CCDC192: variants seen among roughly 807,000 people sequenced by gnomAD.
CCDC192 encodes the protein coiled-coil domain-containing protein 192.
chr5:127,729,408 A>G (rs534319648), intron 2 of CCDC192, among the ~76,000 whole-genome samples: 1 of 152,320 alleles, frequency 6.6e-6, no homozygotes, highest in Admixed American at 6.5e-5. Flanking sequence ...CTACACAATA[A>G]TAGTGGGAGA....
At chr5:127,726,644 G>A (rs970790803) in intron 2 of CCDC192, among the ~76,000 whole-genome samples, 13 of 152,208 alleles carry the variant, frequency 8.5e-5, no homozygotes, top group Non-Finnish European at 1.8e-4. Context: ...CAGTGGCTGT[G>A]GCAGATCATG....
At chr5:127,743,586 C>G (rs1032669059) in intron 2 of CCDC192, among the ~76,000 whole-genome samples, 4 of 152,166 alleles carry the variant, frequency 2.6e-5, no homozygotes, top group African/African-American at 9.7e-5. Context: ...AGGCCACCAT[C>G]CTCCCAGGGC....
chr5:127,766,608 TAAAAAAAAAAA>T (rs548715145), intron 3 of CCDC192, among the ~76,000 whole-genome samples: 1 of 98,954 alleles, frequency 1.0e-5, no homozygotes, highest in Admixed American at 1.1e-4. Context: ...ACGTCCTGTG[TAAAAAAAAAAA>T]AAAAAAAAAA....
In CCDC192 at chr5:127,862,168, C is replaced by T. The variant is rs535398928; in HGVS notation, c.412-13370C>T. Among the ~76,000 whole-genome samples the T allele has an allele frequency of 3.5e-4, 54 of 152,246 alleles. 1 individual carries two copies. The South Asian group carries it at 0.011, about 31-fold the overall frequency. ...CTCCACAAATTCCTTAACTGCACTGCAATATTTATAATTTCAAAAACCTGC... is the reference window on the plus strand; with the variant it reads ...CTCCACAAATTCCTTAACTGCACTGTAATATTTATAATTTCAAAAACCTGC... On this transcript the variant is annotated intron_variant, in intron 5 of 6. Coordinates refer to ENST00000514853, the MANE Select transcript of CCDC192 (RefSeq NM_001317938.2).
intron 6 of CCDC192, among the ~76,000 whole-genome samples, chr5:127,908,064 A>G (rs1269264530): frequency 6.6e-6 from 1 of 152,254 alleles, no homozygotes; most frequent in African/African-American, 2.4e-5. Context: ...ATAAACCATT[A>G]AAGATTGGCT....
chr5:127,927,091 A>G (rs531420029), intron 6 of CCDC192, among the ~76,000 whole-genome samples: 1 of 152,284 alleles, frequency 6.6e-6, no homozygotes, highest in South Asian at 2.1e-4. Flanking sequence ...TTGAAAACAA[A>G]AATTAGATTG....
chr5:127,734,771 G>A (rs1752870199), intron 2 of CCDC192, among the ~76,000 whole-genome samples: 1 of 150,356 alleles, frequency 6.7e-6, no homozygotes, highest in African/African-American at 2.5e-5. Context: ...TTTTGATGGG[G>A]TTGTTTGTTT....
At chr5:127,899,162 G>A (rs771058815) in intron 6 of CCDC192, among the ~76,000 whole-genome samples, 6 of 152,126 alleles carry the variant, frequency 3.9e-5, no homozygotes, top group Non-Finnish European at 7.4e-5. Flanking sequence ...TCTGTTTTGC[G>A]TTTTTGGGGG....
intron 2 of CCDC192, among the ~76,000 whole-genome samples, chr5:127,746,062 A>T (rs1317126545): frequency 6.6e-6 from 1 of 152,208 alleles, no homozygotes; most frequent in Admixed American, 6.5e-5. Context: ...CTATTTAAAA[A>T]GTGCTTGCTT....
chr5:127,821,747 G>A (rs1418985579), intron 5 of CCDC192, among the ~76,000 whole-genome samples: 2 of 152,156 alleles, frequency 1.3e-5, no homozygotes, highest in Non-Finnish European at 2.9e-5. Context: ...GATGTTTGAA[G>A]ACCCTTTCCT....
chr5:127,843,052 TGAGA>T (rs1750364338), intron 5 of CCDC192, among the ~76,000 whole-genome samples: 1 of 146,262 alleles, frequency 6.8e-6, no homozygotes, highest in African/African-American at 2.7e-5. Flanking sequence ...TTTTTTTTTT[TGAGA>T]TGGAGTCTTG....
intron 5 of CCDC192, among the ~76,000 whole-genome samples, chr5:127,868,799 G>C (rs1580774352): frequency 6.6e-6 from 1 of 152,134 alleles, no homozygotes; most frequent in East Asian, 1.9e-4. Context: ...AAAAAAAAGA[G>C]AGAATCTGAA....
At chr5:127,905,321 C>T (rs1253135560) in intron 6 of CCDC192, among the ~76,000 whole-genome samples, 1 of 152,090 alleles carries the variant, frequency 6.6e-6, no homozygotes, top group Non-Finnish European at 1.5e-5. Flanking sequence ...TTCGGATTCC[C>T]TCTATGCATA....
At chr5:127,719,568 C>CATATATATATCTAT (rs1751882490) in intron 2 of CCDC192, among the ~76,000 whole-genome samples, 1 of 19,038 alleles carries the variant, frequency 5.3e-5, no homozygotes, top group African/African-American at 1.0e-4. Flanking sequence ...TACACACATA[C>CATATATATATCTAT]ATATATATAT....
At chr5:127,742,882 A>C (rs1341867974) in intron 2 of CCDC192, among the ~76,000 whole-genome samples, 1 of 152,106 alleles carries the variant, frequency 6.6e-6, no homozygotes, top group Non-Finnish European at 1.5e-5. Flanking sequence ...GGTTGGCACA[A>C]ATGTTATCAC....
At chr5:127,751,764 G>A (rs1277372101) in intron 2 of CCDC192, among the ~76,000 whole-genome samples, 1 of 152,256 alleles carries the variant, frequency 6.6e-6, no homozygotes, top group East Asian at 1.9e-4. Flanking sequence ...ATCAGACGTA[G>A]ATTTGGTCTT....
chr5:127,722,857 TA>T (rs1752104478), intron 2 of CCDC192, among the ~76,000 whole-genome samples: 1 of 152,214 alleles, frequency 6.6e-6, no homozygotes, highest in Non-Finnish European at 1.5e-5. Context: ...TTGGTTACTA[TA>T]GCTCTGTGGT....
At chr5:127,705,570 A>G (rs938126729) in intron 1 of CCDC192, among the ~76,000 whole-genome samples, 1 of 152,112 alleles carries the variant, frequency 6.6e-6, no homozygotes, top group Non-Finnish European at 1.5e-5. Flanking sequence ...CATGAACCAT[A>G]ATAAGGGCTG....
chr5:127,705,710 A>T (rs1332924400), intron 1 of CCDC192, among the ~76,000 whole-genome samples: 1 of 152,122 alleles, frequency 6.6e-6, no homozygotes, highest in Non-Finnish European at 1.5e-5. Context: ...AGATTTCAAC[A>T]AGCAGAGAAG....
Sources: gnomAD v4.1 joint callset for allele counts (sites outside exome capture counted in the v4.1 genomes callset) on GRCh38, gnomAD v4.1.1 for gene constraint, MANE v1.5 for transcripts, NCBI Gene and HGNC (gene_info 2026-07-23, HGNC 2026-07-21) for gene names.